Variants in LRATD1 observed in about 807,000 individuals in gnomAD.
LRATD1 encodes the protein LRAT domain containing 1, also known as protein LRATD1.
LRATD1 carries 8 observed loss-of-function variants against 21.3 expected under a neutral mutation model. That is an observed-to-expected ratio of 0.38 (90% confidence interval 0.22 to 0.68). The LOEUF (loss-of-function observed/expected upper bound fraction) is 0.68, where lower values mean the gene tolerates loss of function less well. Ranked by LOEUF, LRATD1 falls within the 30% of genes least tolerant of loss-of-function variation. The pLI is 0.54. For synonymous variants in LRATD1, 210 were observed against 186.2 expected (o/e 1.13, Z -1.04); for missense variants, 380 against 404.0 (o/e 0.94, Z 0.51).
chr2:14,644,511 C>T (rs190174728), downstream of LRATD1, among the ~76,000 whole-genome samples: 30 of 152,112 alleles, frequency 2.0e-4, no homozygotes, highest in African/African-American at 6.3e-4. Flanking sequence ...TGTGTTTAAG[C>T]GAAGTCCTTT....
rs572274611 is a variant in LRATD1, at chr2:14,636,614, A to G, written c.*1756A>G. The G allele has an allele frequency of 1.2e-5, 2 of 167,270 alleles. No individual in the cohort carries two copies. Among genetic ancestry groups the G allele is most frequent in the South Asian group, 2.1e-4 (1 of 4,830 alleles). The allele number at this position is 167,270 out of a possible 1,614,324, so 10.4% of individuals were successfully genotyped here. ...AGCCTAACTGATAGTTACTTGATTC[A>G]GTGTGCTAGACACTTAAATAGCATC... On this transcript the variant is annotated 3_prime_UTR_variant, in exon 2 of 2. Transcript: ENST00000295092.
downstream of LRATD1, among the ~76,000 whole-genome samples, chr2:14,641,186 AC>A (rs1054709754): frequency 6.6e-6 from 1 of 151,962 alleles, no homozygotes; most frequent in Non-Finnish European, 1.5e-5. Flanking sequence ...CTAAGGACAC[AC>A]CCCCTACCCA....
chr2:14,643,915 T>C (rs1671851481), downstream of LRATD1, among the ~76,000 whole-genome samples: 1 of 152,220 alleles, frequency 6.6e-6, no homozygotes, highest in Non-Finnish European at 1.5e-5. Flanking sequence ...CTTTGATCTT[T>C]GATTGGTTAG....
At chr2:14,642,266 G>A (rs1671820177), downstream of LRATD1, among the ~76,000 whole-genome samples, 1 of 152,182 alleles carries the variant, frequency 6.6e-6, no homozygotes, top group African/African-American at 2.4e-5. Flanking sequence ...CAAGTGATGG[G>A]AGATTAGCTA....
At chr2:14,651,523 C>T (rs1174591496), downstream of LRATD1, among the ~76,000 whole-genome samples, 1 of 152,144 alleles carries the variant, frequency 6.6e-6, no homozygotes, top group African/African-American at 2.4e-5. Context: ...ATATGAGTCT[C>T]TGTAACCACA....
exon 5 of LRATD1, chr2:14,649,389 C>G: frequency 2.2e-6 from 1 of 456,422 alleles, no homozygotes; most frequent in South Asian, 1.5e-5. Flanking sequence ...TGTATTGCAA[C>G]TGGACCCCCT....
chr2:14,641,721 G>T (rs1277452653), downstream of LRATD1, among the ~76,000 whole-genome samples: 1 of 152,150 alleles, frequency 6.6e-6, no homozygotes, highest in Non-Finnish European at 1.5e-5. Flanking sequence ...TACTTGGGTC[G>T]CACAGGACTT....
chr2:14,644,596 G>C (rs934468820), downstream of LRATD1, among the ~76,000 whole-genome samples: 3 of 152,152 alleles, frequency 2.0e-5, no homozygotes, highest in African/African-American at 7.2e-5. Context: ...GTGTATACTT[G>C]TAGACATGGT....
At position 14,635,338 on chromosome 2, in the gene LRATD1, T is replaced by A; in HGVS notation, c.*480T>A. On this transcript the variant is annotated 3_prime_UTR_variant, in exon 2 of 2. Transcript: ENST00000295092. ...GGGCACAGTTCAGCTCCTCTGTGGA[T>A]GCGTCCCCAGATCGCAGGATTTCCA... is the stretch of plus-strand genomic sequence containing the variant. 1 of 477,816 alleles carries A rather than the reference T, an allele frequency of 2.1e-6. No individual in the cohort carries two copies. Among genetic ancestry groups the A allele is most frequent in the Non-Finnish European group, 4.3e-6 (1 of 231,858 alleles). 29.6% of individuals were successfully genotyped at this position (477,816 alleles called of 1,614,324 possible).
At chr2:14,649,291 A>G (rs1315791842) in intron 4 of LRATD1, 3 of 456,422 alleles carry the variant, frequency 6.6e-6, no homozygotes, top group African/African-American at 2.0e-5. Context: ...AAATAAAAAC[A>G]TTGTGTTTTT....
downstream of LRATD1, among the ~76,000 whole-genome samples, chr2:14,651,354 C>T (rs1422322334): frequency 6.6e-6 from 1 of 152,126 alleles, no homozygotes; most frequent in African/African-American, 2.4e-5. Flanking sequence ...TAGCTCTGCA[C>T]TACAACAAAT....
In LRATD1 at chr2:14,635,263, C is replaced by T. The variant is rs1335254375; in HGVS notation, c.*405C>T. 2.0e-6 allele frequency: 1 copy of T among 507,708 alleles called. No homozygotes were observed. The highest frequency in any genetic ancestry group is 4.0e-6 in the Non-Finnish European group (1 of 251,662). 31.5% of individuals were successfully genotyped at this position (507,708 alleles called of 1,614,324 possible). A position where few individuals can be genotyped will look rare whatever the true frequency, so the allele number is the denominator to read the frequency against. ...CTCTTCTCAAAAGGGACCATCACCG[C>T]CCCGAGCGTGCGCACACAGACCGGT... On this transcript the variant is annotated 3_prime_UTR_variant, in exon 2 of 2. Transcript: ENST00000295092.
rs1572297186 is a variant in LRATD1 at position 14,636,232 on chromosome 2, A to G, written c.*1374A>G. On this transcript the variant is annotated 3_prime_UTR_variant, in exon 2 of 2. Coordinates refer to ENST00000295092, the MANE Select transcript of LRATD1 (RefSeq NM_145175.4). ...GGTGGAGTTGTTAATTAATGTGTAT[A>G]TTGTACTGAATTTCTGTCAGTTAAG... The G allele has an allele frequency of 5.9e-6, 1 of 168,238 alleles. No homozygotes were observed. The highest frequency in any genetic ancestry group is 1.9e-4 in the East Asian group (1 of 5,224). 10.4% of individuals were successfully genotyped at this position (168,238 alleles called of 1,614,324 possible).
Position 14,649,051 on chromosome 2 carries a change from C to A in LRATD1, n.437-265C>A, listed in dbSNP as rs566152396. On this transcript the variant is annotated intron_variant and non_coding_transcript_variant, in intron 4 of 5. Coordinates refer to the LRATD1 transcript ENST00000464947. The stretch of plus-strand genomic sequence containing the variant: ...CAAGTGGAGCTTGAAAAGCCTATAC[C>A]CTTCAAAGAGTCAATTTACAACTTC... Among the ~76,000 whole-genome samples the A allele has an allele frequency of 6.6e-5, 10 of 152,158 alleles. No homozygotes were observed. The South Asian group carries it at 1.9e-3, about 28-fold the overall frequency.
chr2:14,638,572 A>G lies in LRATD1; in HGVS notation c.*3714A>G, dbSNP rs569849568. ...TTACCTGAATAAGCAGTATATACTA[A>G]AAGTCTTCAAACATTACTTTATTGA... On this transcript the variant is annotated 3_prime_UTR_variant, in exon 2 of 2. Coordinates refer to ENST00000295092, the MANE Select transcript of LRATD1 (RefSeq NM_145175.4). 1 of 167,148 alleles carries G rather than the reference A, an allele frequency of 6.0e-6. No homozygotes were observed. Among genetic ancestry groups the G allele is most frequent in the African/African-American group, 2.4e-5 (1 of 41,566 alleles). 10.4% of individuals were successfully genotyped at this position (167,148 alleles called of 1,614,324 possible).
chr2:14,642,705 A>T (rs1211167768), downstream of LRATD1, among the ~76,000 whole-genome samples: 1 of 152,124 alleles, frequency 6.6e-6, no homozygotes, highest in African/African-American at 2.4e-5. Flanking sequence ...GGGGGAGCAG[A>T]AGAAAAACAG....
At position 14,634,893 on chromosome 2, in the gene LRATD1, G is replaced by A. The variant is rs751017634; in HGVS notation, c.*35G>A. The A allele has an allele frequency of 4.9e-5, 78 of 1,585,440 alleles. No individual in the cohort carries two copies. The Middle Eastern group carries it at 3.5e-3, about 71-fold the overall frequency. On this transcript the variant is annotated 3_prime_UTR_variant, in exon 2 of 2. Coordinates refer to ENST00000295092, the MANE Select transcript of LRATD1 (RefSeq NM_145175.4). ...GGCTGCCGGCCCCTCTGCCTCCCCC[G>A]CACCTCGCTCCCTTCCCTTCCCCGC...
chr2:14,638,349 G>A lies in LRATD1; in HGVS notation c.*3491G>A, dbSNP rs543647224. ...GACAGTATTTTTTAAAAATAATAAC[G>A]TATATTATAGTTACGAAACACTTGT... On this transcript the variant is annotated 3_prime_UTR_variant, in exon 2 of 2. Coordinates refer to ENST00000295092, the MANE Select transcript of LRATD1 (RefSeq NM_145175.4). 9.6e-5 allele frequency: 16 copies of A among 166,358 alleles called. No homozygotes were observed. In the South Asian group the frequency reaches 1.0e-3, roughly 11 times the overall value. The allele number at this position is 166,358 out of a possible 1,614,324, so 10.3% of individuals were successfully genotyped here.
chr2:14,634,489 C>A lies in LRATD1; in HGVS notation c.510C>A (p.Gly170=), dbSNP rs1458387181. Reference sequence around the variant, plus strand: ...GCCAGGACAGCCTGTATGAGGCGGGCGCGGCCAACGTGGGCCGGGTGGTGA... The same window carrying A: ...GCCAGGACAGCCTGTATGAGGCGGGAGCGGCCAACGTGGGCCGGGTGGTGA... ...EIRQDSLYEA[G]AANVGRVVNS... The change falls in exon 2 of 2, where the codon GGC becomes GGA. Residue 170 remains glycine (G), a synonymous_variant. Transcript: ENST00000295092. 3.3e-6 allele frequency: 5 copies of A among 1,508,834 alleles called. No homozygotes were observed. The highest frequency in any genetic ancestry group is 2.7e-5 in the South Asian group (2 of 74,654). 93.5% of individuals were successfully genotyped at this position (1,508,834 alleles called of 1,614,324 possible).
Sources: gnomAD v4.1 joint callset for allele counts (sites outside exome capture counted in the v4.1 genomes callset) on GRCh38, gnomAD v4.1.1 for gene constraint, MANE v1.5 for transcripts, NCBI Gene and HGNC (gene_info 2026-07-23, HGNC 2026-07-21) for gene names.